Variants in NOP58 observed in about 807,000 individuals in gnomAD.
NOP58 encodes nucleolar protein 58.
Under a neutral mutation model 71.2 loss-of-function variants are expected in NOP58, and 44 were observed. That is an observed-to-expected ratio of 0.62 (90% CI 0.49 to 0.79). The LOEUF (loss-of-function observed/expected upper bound fraction) is 0.79. NOP58 is among the 30% of genes least tolerant of loss of function. NOP58 has a pLI of 0.00. For synonymous variants in NOP58, 228 were observed against 200.3 expected, an observed-to-expected ratio of 1.14 and a Z score of -1.17; for missense variants, 538 against 620.2, an observed-to-expected ratio of 0.87 and a Z score of 1.41.
chr2:202,301,262 G>A (rs1419477224), intron 13 of NOP58, among the ~76,000 whole-genome samples: 2 of 151,858 alleles, frequency 1.3e-5, no homozygotes, highest in East Asian at 1.9e-4. Flanking sequence ...TTGGCTCACT[G>A]CAACCTCCAC....
Position 202,293,119 on chromosome 2 carries a change from A to G in NOP58, c.907+216A>G, listed in dbSNP as rs758331577. 6.9e-6 allele frequency: 5 copies of G among 722,432 alleles called. No individual in the cohort carries two copies. In the East Asian group the frequency reaches 8.0e-5, roughly 12 times the overall value. 44.8% of individuals were successfully genotyped at this position (722,432 alleles called of 1,614,324 possible). On this transcript the variant is annotated intron_variant, in intron 9 of 14. Coordinates refer to ENST00000264279, the MANE Select transcript of NOP58 (RefSeq NM_015934.5). Reference sequence around the variant, plus strand: ...GATAATGAAGGCATCTTTAGTCACTACCTCTTCTGAGACACTTGTGGTCCA... The same window carrying G: ...GATAATGAAGGCATCTTTAGTCACTGCCTCTTCTGAGACACTTGTGGTCCA...
In NOP58 at chr2:202,270,942, G is replaced by A. The variant is rs538612156; in HGVS notation, c.46-4171G>A. On this transcript the variant is annotated intron_variant, in intron 1 of 14. Transcript: ENST00000264279. ...GTCTCTACTAAAAATACAAAAATTAGCCGGGCATGGTGGTGTGTGTCGCCA... is the reference window on the plus strand; with the variant it reads ...GTCTCTACTAAAAATACAAAAATTAACCGGGCATGGTGGTGTGTGTCGCCA... 1.1e-4 allele frequency among the ~76,000 whole-genome samples: 16 copies of A among 151,934 alleles called. 1 individual carries two copies. The South Asian group carries it at 3.3e-3, about 32-fold the overall frequency.
chr2:202,286,301 G>A (rs938578556), intron 5 of NOP58, among the ~76,000 whole-genome samples: 8 of 151,334 alleles, frequency 5.3e-5, no homozygotes, highest in Non-Finnish European at 1.0e-4. Context: ...TCAGGAGATC[G>A]AGACCATCCT....
At chr2:202,272,254 G>A (rs956983496) in intron 1 of NOP58, among the ~76,000 whole-genome samples, 1 of 146,788 alleles carries the variant, frequency 6.8e-6, no homozygotes, top group Non-Finnish European at 1.5e-5. Context: ...TGGGGTTCAC[G>A]CCATTCTGTT....
At chr2:202,286,119 T>G (rs1688781060) in intron 5 of NOP58, among the ~76,000 whole-genome samples, 1 of 145,906 alleles carries the variant, frequency 6.9e-6, no homozygotes. Flanking sequence ...GAGGCAGAGC[T>G]TGCAGTGAGT....
At chr2:202,293,669 C>T (rs1258081647) in intron 9 of NOP58, among the ~76,000 whole-genome samples, 1 of 152,152 alleles carries the variant, frequency 6.6e-6, no homozygotes, top group Non-Finnish European at 1.5e-5. Flanking sequence ...CTCCCAGGTT[C>T]AAGCAATTCT....
At chr2:202,292,657 C>T in intron 8 of NOP58, 120 bp from the exon 9 acceptor site, 2 of 754,034 alleles carry the variant, frequency 2.7e-6, no homozygotes, top group Non-Finnish European at 4.5e-6. Flanking sequence ...AGGTGATGTA[C>T]CCAGTACCCA....
At chr2:202,269,823 C>G (rs1000221571) in intron 1 of NOP58, among the ~76,000 whole-genome samples, 2 of 152,236 alleles carry the variant, frequency 1.3e-5, no homozygotes, top group Non-Finnish European at 2.9e-5. Context: ...TAGTCTTGCT[C>G]ATACCAGACT....
chr2:202,278,163 A>G, intron 3 of NOP58, 161 bp downstream of exon 3: 1 of 725,770 alleles, frequency 1.4e-6, no homozygotes, highest in Non-Finnish European at 2.6e-6. Flanking sequence ...GATCTGACTC[A>G]TTCGTCACTA....
intron 6 of NOP58, 65 bp downstream of exon 6, chr2:202,287,789 A>G (rs1688818560): frequency 8.4e-7 from 1 of 1,192,812 alleles, no homozygotes; most frequent in South Asian, 1.2e-5. Context: ...ATACTGTTGA[A>G]ACTATCTTTT....
At chr2:202,297,550 T>A in intron 11 of NOP58, 37 bp downstream of exon 11, 2 of 1,586,458 alleles carry the variant, frequency 1.3e-6, no homozygotes, top group Non-Finnish European at 1.7e-6. Flanking sequence ...GAAGTATTAC[T>A]TGTCAAAAGT....
At chr2:202,291,021 G>C in intron 7 of NOP58, 104 bp from the exon 8 acceptor site, 2 of 1,012,580 alleles carry the variant, frequency 2.0e-6, no homozygotes, top group Non-Finnish European at 2.8e-6. Flanking sequence ...TTTTGTTTAG[G>C]CATCCTTTTC....
chr2:202,287,527 TAGAAAAA>T, intron 5 of NOP58, 126 bp from the exon 6 acceptor site: 1 of 623,252 alleles, frequency 1.6e-6, no homozygotes, highest in Non-Finnish European at 2.8e-6. Context: ...TTTTTCTTCT[TAGAAAAA>T]CCAATTACAG....
intron 10 of NOP58, among the ~76,000 whole-genome samples, chr2:202,296,287 C>A (rs1688991772): frequency 6.6e-6 from 1 of 152,084 alleles, no homozygotes; most frequent in Admixed American, 6.6e-5. Context: ...CCTCCAGCTC[C>A]CTGGTTCAAA....
intron 8 of NOP58, among the ~76,000 whole-genome samples, chr2:202,291,755 C>T (rs549079118): frequency 3.9e-5 from 5 of 129,046 alleles, no homozygotes; most frequent in South Asian, 4.8e-4. Flanking sequence ...TGCAGTGAGC[C>T]GAGATGGCAC....
At chr2:202,292,634 T>C (rs1250166927) in intron 8 of NOP58, 143 bp from the exon 9 acceptor site, 3 of 611,196 alleles carry the variant, frequency 4.9e-6, no homozygotes, top group African/African-American at 3.8e-5. Context: ...AAAAGAAAAC[T>C]GATGTTAGGC....
intron 10 of NOP58, among the ~76,000 whole-genome samples, chr2:202,296,497 G>A (rs768427434): frequency 1.3e-5 from 2 of 152,182 alleles, no homozygotes; most frequent in African/African-American, 4.8e-5. Flanking sequence ...ACCTGTGCCT[G>A]TCCTAAATCT....
At chr2:202,292,546 G>A (rs1360836491) in intron 8 of NOP58, among the ~76,000 whole-genome samples, 1 of 151,992 alleles carries the variant, frequency 6.6e-6, no homozygotes, top group East Asian at 1.9e-4. Context: ...GCTGAGGCAG[G>A]AGAATCACTT....
At chr2:202,276,059 C>A (rs962365715) in intron 2 of NOP58, among the ~76,000 whole-genome samples, 17 of 152,032 alleles carry the variant, frequency 1.1e-4, no homozygotes, top group Non-Finnish European at 2.5e-4. Context: ...GACACTGTTG[C>A]CTGGTGTGGT....
Sources: gnomAD v4.1 joint callset for allele counts (sites outside exome capture counted in the v4.1 genomes callset) on GRCh38, gnomAD v4.1.1 for gene constraint, MANE v1.5 for transcripts, NCBI Gene and HGNC (gene_info 2026-07-23, HGNC 2026-07-21) for gene names.